Variants in NEDD4 observed in about 807,000 individuals in gnomAD.
NEDD4 encodes the protein E3 ubiquitin-protein ligase NEDD4.
NEDD4 carries 99 observed loss-of-function variants against 144.9 expected under a neutral mutation model. The ratio of observed to expected loss-of-function variants is 0.68; its 90% confidence interval spans 0.58 to 0.81. The LOEUF (loss-of-function observed/expected upper bound fraction) is 0.81. Ranked by LOEUF, NEDD4 falls within the 30% of genes least tolerant of loss-of-function variation. The pLI is 0.00. For synonymous variants in NEDD4, 318 were observed against 350.6 expected (o/e 0.91, Z 1.04); for missense variants, 985 against 1,065.9 (o/e 0.92, Z 1.06).
At chr15:55,866,749 G>A (rs1229599534) in intron 8 of NEDD4, among the ~76,000 whole-genome samples, 1 of 152,018 alleles carries the variant, frequency 6.6e-6, no homozygotes, top group African/African-American at 2.4e-5. Flanking sequence ...TTAATTAAGG[G>A]CTTAAAAAAG....
chr15:55,895,866 T>G (rs2035722955), intron 5 of NEDD4, among the ~76,000 whole-genome samples: 2 of 152,222 alleles, frequency 1.3e-5, no homozygotes, highest in South Asian at 4.1e-4. Flanking sequence ...AAAAGTTTAT[T>G]TCCTACAGAA....
chr15:55,939,120 C>CAATAAACA (rs1555405991), intron 4 of NEDD4, among the ~76,000 whole-genome samples: 14 of 150,990 alleles, frequency 9.3e-5, no homozygotes, highest in African/African-American at 3.4e-4. Context: ...ACAACAACAA[C>CAATAAACA]AACAAACAAA....
rs561814496 is a variant in NEDD4 at position 55,850,524 on chromosome 15, G to C, written c.1347+18C>G. ...ATTATTGTTGTTATAAATTTAAATGGAAAAGTATCAAAGTTACCCAGGTGG... is the reference window on the plus strand; with the variant it reads ...ATTATTGTTGTTATAAATTTAAATGCAAAAGTATCAAAGTTACCCAGGTGG... On this transcript the variant is annotated intron_variant, in intron 14 of 28. Transcript: ENST00000435532. The C allele has an allele frequency of 6.2e-7, 1 of 1,611,448 alleles. No homozygotes were observed. The highest frequency in any genetic ancestry group is 1.7e-5 in the Admixed American group (1 of 59,862).
intron 2 of NEDD4, 49 bp from the exon 3 acceptor site, chr15:55,951,638 C>T (rs1195374769): frequency 7.4e-7 from 1 of 1,342,882 alleles, no homozygotes. Flanking sequence ...TTATTGCTTA[C>T]CCCAAGCTCA....
intron 4 of NEDD4, among the ~76,000 whole-genome samples, chr15:55,947,386 C>T (rs1488869225): frequency 4.6e-5 from 7 of 152,196 alleles, no homozygotes; most frequent in Non-Finnish European, 1.0e-4. Flanking sequence ...ACTATAAACA[C>T]CTCTATGCAA....
intron 4 of NEDD4, among the ~76,000 whole-genome samples, chr15:55,936,170 A>AT (rs2142262667): frequency 6.6e-6 from 1 of 152,292 alleles, no homozygotes; most frequent in African/African-American, 2.4e-5. Flanking sequence ...AGACTAAGTG[A>AT]TCCCCCAACC....
chr15:55,993,405 G>A, intron 1 of NEDD4, 106 bp downstream of exon 1: 1 of 1,397,514 alleles, frequency 7.2e-7, no homozygotes. Context: ...AGGGAGGAGG[G>A]GCTGACAGCA....
intron 1 of NEDD4, among the ~76,000 whole-genome samples, chr15:55,990,983 A>C (rs2037981158): frequency 6.6e-6 from 1 of 152,220 alleles, no homozygotes; most frequent in East Asian, 1.9e-4. Context: ...AAACTCACTG[A>C]AAAGTGAGAG....
intron 1 of NEDD4, among the ~76,000 whole-genome samples, chr15:55,980,396 A>G (rs554118130): frequency 6.6e-6 from 1 of 152,170 alleles, no homozygotes; most frequent in East Asian, 1.9e-4. Flanking sequence ...TGTACCCACT[A>G]AACAGAAGAT....
chr15:55,839,187 C>T (rs1257501921), intron 21 of NEDD4, among the ~76,000 whole-genome samples: 1 of 151,874 alleles, frequency 6.6e-6, no homozygotes, highest in Non-Finnish European at 1.5e-5. Flanking sequence ...CACCACCACG[C>T]CTGGCTAATT....
chr15:55,981,884 G>GTTATGGAAGTAT (rs1167627195), intron 1 of NEDD4, among the ~76,000 whole-genome samples: 3 of 152,188 alleles, frequency 2.0e-5, no homozygotes, highest in Admixed American at 1.3e-4. Context: ...AGTTAACGTG[G>GTTATGGAAGTAT]TTATGGAAGT....
At chr15:55,857,198 A>G (rs1276015555) in intron 11 of NEDD4, among the ~76,000 whole-genome samples, 1 of 152,238 alleles carries the variant, frequency 6.6e-6, no homozygotes, top group Non-Finnish European at 1.5e-5. Flanking sequence ...ATACAGAAAA[A>G]GTTTCTATAT....
intron 27 of NEDD4, 77 bp downstream of exon 27, chr15:55,832,931 A>C: frequency 1.0e-6 from 1 of 958,456 alleles, no homozygotes; most frequent in Non-Finnish European, 1.6e-6. Context: ...AAATGATGGA[A>C]GCTTGCGGAT....
chr15:55,931,628 A>C (rs1376375176), intron 4 of NEDD4, among the ~76,000 whole-genome samples: 1 of 152,214 alleles, frequency 6.6e-6, no homozygotes, highest in African/African-American at 2.4e-5. Context: ...CCAGTTTTCC[A>C]AAAAGAACAA....
chr15:55,882,351 G>A (rs953786401), intron 5 of NEDD4, among the ~76,000 whole-genome samples: 8 of 152,108 alleles, frequency 5.3e-5, no homozygotes, highest in East Asian at 3.9e-4. Context: ...TGGAGAATCC[G>A]TGCACTTAGG....
chr15:55,928,507 G>A (rs1228394688), intron 4 of NEDD4, among the ~76,000 whole-genome samples: 1 of 152,096 alleles, frequency 6.6e-6, no homozygotes, highest in African/African-American at 2.4e-5. Flanking sequence ...ATGTCCCCCT[G>A]CCCAACCAAA....
chr15:55,953,196 G>T (rs1468169843), intron 2 of NEDD4, among the ~76,000 whole-genome samples: 1 of 151,926 alleles, frequency 6.6e-6, no homozygotes, highest in Non-Finnish European at 1.5e-5. Flanking sequence ...CACCATGTTG[G>T]CCAGGATGGT....
In NEDD4 at chr15:55,867,424, A is replaced by G. The variant is rs139095205; in HGVS notation, c.507+2155T>C. Among the ~76,000 whole-genome samples, 4 of 152,332 alleles carry G rather than the reference A, an allele frequency of 2.6e-5. No homozygotes were observed. The East Asian group carries it at 7.7e-4, about 29-fold the overall frequency. On this transcript the variant is annotated intron_variant, in intron 8 of 28. Coordinates refer to ENST00000435532, the MANE Select transcript of NEDD4 (RefSeq NM_006154.4). The stretch of plus-strand genomic sequence containing the variant: ...AAGCAGTTCTCTCCACAGAAACTCA[A>G]CTGTGAATAGGGTCCTATGATGCGT...
intron 4 of NEDD4, among the ~76,000 whole-genome samples, chr15:55,931,095 A>C (rs1242696503): frequency 1.3e-5 from 2 of 152,216 alleles, no homozygotes; most frequent in African/African-American, 4.8e-5. Flanking sequence ...GGGAGAAAAA[A>C]GGAACAAGTA....
Sources: gnomAD v4.1 joint callset for allele counts (sites outside exome capture counted in the v4.1 genomes callset) on GRCh38, gnomAD v4.1.1 for gene constraint, MANE v1.5 for transcripts, NCBI Gene and HGNC (gene_info 2026-07-23, HGNC 2026-07-21) for gene names.